Variants in SLC44A5 observed in about 807,000 individuals in gnomAD.
SLC44A5 encodes solute carrier family 44 member 5, also known as choline transporter-like protein 5.
Under a neutral mutation model 101.8 loss-of-function variants are expected in SLC44A5, and 57 were observed. That is an observed-to-expected ratio of 0.56 (90% CI 0.45 to 0.70). The LOEUF (loss-of-function observed/expected upper bound fraction) is 0.70, where lower values mean the gene tolerates loss of function less well. SLC44A5 is among the 30% of genes least tolerant of loss of function. The pLI is 0.00. For synonymous variants in SLC44A5, 281 were observed against 290.9 expected, an observed-to-expected ratio of 0.97 and a Z score of 0.35; for missense variants, 737 against 853.1, an observed-to-expected ratio of 0.86 and a Z score of 1.70.
chr1:75,540,187 A>G (rs1244649591), intron 2 of SLC44A5, among the ~76,000 whole-genome samples: 3 of 152,176 alleles, frequency 2.0e-5, no homozygotes, highest in Non-Finnish European at 4.4e-5. Context: ...TTGAGCATAT[A>G]TGTACTACTT....
At chr1:75,638,290 CAT>C in the SLC44A5 span, among the ~76,000 whole-genome samples, 6 of 151,978 alleles carry the variant, frequency 3.9e-5, no homozygotes, top group Non-Finnish European at 8.8e-5. Context: ...ACAAGTGAAA[CAT>C]AGAAGCATTT....
chr1:75,630,991 C>A, the SLC44A5 span, among the ~76,000 whole-genome samples: 1 of 152,210 alleles, frequency 6.6e-6, no homozygotes, highest in Non-Finnish European at 1.5e-5. Flanking sequence ...AGCACTGAGG[C>A]AATTTCCACT....
chr1:75,400,074 G>T (rs1441229363), intron 2 of SLC44A5, among the ~76,000 whole-genome samples: 1 of 152,168 alleles, frequency 6.6e-6, no homozygotes, highest in Non-Finnish European at 1.5e-5. Context: ...AAGTGAATCA[G>T]CACAGAAACC....
chr1:75,234,475 A>G lies in SLC44A5; in HGVS notation c.741-377T>C, dbSNP rs149277650. On this transcript the variant is annotated intron_variant, in intron 11 of 23. Coordinates refer to ENST00000370859, the MANE Select transcript of SLC44A5 (RefSeq NM_001130058.2). Reference sequence around the variant, plus strand: ...AGGTCATAAATTGTGAAATGTATTCATGATGAATTTGTTCTGTTCCATTTA... The same window carrying G: ...AGGTCATAAATTGTGAAATGTATTCGTGATGAATTTGTTCTGTTCCATTTA... Among the ~76,000 whole-genome samples, 215 of 152,174 alleles carry G rather than the reference A, an allele frequency of 1.4e-3. 1 individual carries two copies. The highest frequency in any genetic ancestry group is 4.9e-3 in the African/African-American group (204 of 41,556).
rs549610845 is a variant in SLC44A5 at position 75,375,910 on chromosome 1, T to C, written c.52+20673A>G. 1.3e-5 allele frequency among the ~76,000 whole-genome samples: 2 copies of C among 152,166 alleles called. 1 individual carries two copies. The highest frequency in any genetic ancestry group is 4.1e-4 in the South Asian group (2 of 4,826). ...ACACAGAAGATGGGTGATTTCTGCA[T>C]TTCCATCTGAGGTACCGGGTTCATC... On this transcript the variant is annotated intron_variant, in intron 3 of 23. Transcript: ENST00000370859.
intron 6 of SLC44A5, among the ~76,000 whole-genome samples, chr1:75,265,360 C>A (rs532764341): frequency 1.3e-5 from 2 of 152,222 alleles, no homozygotes; most frequent in South Asian, 4.2e-4. Flanking sequence ...TGCAAAAATT[C>A]TCAACAGAAT....
At chr1:75,447,913 C>A (rs1665680817) in intron 2 of SLC44A5, among the ~76,000 whole-genome samples, 2 of 151,978 alleles carry the variant, frequency 1.3e-5, no homozygotes. Flanking sequence ...AATTATAATT[C>A]CCAAAGCTTA....
At chr1:75,206,508 C>T in intron 23 of SLC44A5, 2 of 819,692 alleles carry the variant, frequency 2.4e-6, no homozygotes, top group Non-Finnish European at 4.0e-6. Context: ...GAATTAAGCA[C>T]AGAAATTTCA....
At position 75,583,993 on chromosome 1, in the gene SLC44A5, G is replaced by A. The variant is rs180915093; in HGVS notation, c.-70+27047C>T. On this transcript the variant is annotated intron_variant, in intron 1 of 23. Transcript: ENST00000370859. ...AGGAGATTGTCACTCAATGTCCCAAGCTTTGAGGTCTCAAATTCTAAGACA... is the reference window on the plus strand; with the variant it reads ...AGGAGATTGTCACTCAATGTCCCAAACTTTGAGGTCTCAAATTCTAAGACA... 1.6e-4 allele frequency among the ~76,000 whole-genome samples: 24 copies of A among 152,348 alleles called. No individual in the cohort carries two copies. The East Asian group carries it at 3.5e-3, about 22-fold the overall frequency.
chr1:75,250,472 T>C (rs2100643618), intron 7 of SLC44A5, among the ~76,000 whole-genome samples: 1 of 152,326 alleles, frequency 6.6e-6, no homozygotes, highest in Middle Eastern at 3.4e-3. Flanking sequence ...TACATGTGCA[T>C]GCATCATTTT....
At position 75,384,702 on chromosome 1, in the gene SLC44A5, C is replaced by A. The variant is rs1470038775; in HGVS notation, c.52+11881G>T. 1.8e-3 allele frequency among the ~76,000 whole-genome samples: 220 copies of A among 122,540 alleles called. 1 individual carries two copies. Among genetic ancestry groups the A allele is most frequent in the Admixed American group, 4.4e-3 (50 of 11,484 alleles). The allele number at this position is 122,540 out of a possible 152,430, so 80.4% of individuals were successfully genotyped here. Reference sequence around the variant, plus strand: ...GAATTGAACTCAGCTCTGCACCAAGCGGACCTAATAGACATCTACAGAACT... The same window carrying A: ...GAATTGAACTCAGCTCTGCACCAAGAGGACCTAATAGACATCTACAGAACT... On this transcript the variant is annotated intron_variant, in intron 3 of 23. Coordinates refer to ENST00000370859, the MANE Select transcript of SLC44A5 (RefSeq NM_001130058.2).
intron 4 of SLC44A5, among the ~76,000 whole-genome samples, chr1:75,321,814 C>A (rs1306581596): frequency 6.6e-6 from 1 of 152,092 alleles, no homozygotes; most frequent in African/African-American, 2.4e-5. Flanking sequence ...ATATTTGATT[C>A]ATCTTTAACA....
chr1:75,318,548 G>A (rs1182524898), intron 4 of SLC44A5, among the ~76,000 whole-genome samples: 1 of 152,166 alleles, frequency 6.6e-6, no homozygotes, highest in Admixed American at 6.5e-5. Flanking sequence ...GCACAGATCA[G>A]TAAGTCAGAT....
rs1342057593 is a variant in SLC44A5 at position 75,306,579 on chromosome 1, G to C, written c.102-5894C>G. 4.0e-5 allele frequency among the ~76,000 whole-genome samples: 6 copies of C among 151,824 alleles called. 1 individual carries two copies. Among genetic ancestry groups the C allele is most frequent in the African/African-American group, 1.5e-4 (6 of 41,334 alleles). On this transcript the variant is annotated intron_variant, in intron 4 of 23. Transcript: ENST00000370859. ...ATGCAAACAAAAAAAAAACCAATTA[G>C]ATTTAATTTAGAGGTAATAAGAGAG...
the SLC44A5 span, chr1:75,641,476 A>T: frequency 1.4e-6 from 2 of 1,422,932 alleles, no homozygotes; most frequent in Admixed American, 3.4e-5. Context: ...TTCCACTGCC[A>T]GCAGAAGTTG....
At chr1:75,578,864 T>C (rs548780205) in intron 1 of SLC44A5, among the ~76,000 whole-genome samples, 2 of 152,346 alleles carry the variant, frequency 1.3e-5, no homozygotes, top group Non-Finnish European at 2.9e-5. Context: ...TGGATATATA[T>C]ATAAAATATG....
rs529322889 is a variant in SLC44A5, at chr1:75,312,281, C to T, written c.102-11596G>A. Among the ~76,000 whole-genome samples the T allele has an allele frequency of 3.9e-5, 6 of 152,208 alleles. No homozygotes were observed. In the East Asian group the frequency reaches 9.7e-4, roughly 25 times the overall value. Reference sequence around the variant, plus strand: ...TCTTTCCTTCATAATTCCCCAGTCTCGGGTATGTCTTTATTAATAGCATGA... The same window carrying T: ...TCTTTCCTTCATAATTCCCCAGTCTTGGGTATGTCTTTATTAATAGCATGA... On this transcript the variant is annotated intron_variant, in intron 4 of 23. Coordinates refer to ENST00000370859, the MANE Select transcript of SLC44A5 (RefSeq NM_001130058.2).
At chr1:75,317,572 G>A (rs1655792105) in intron 4 of SLC44A5, among the ~76,000 whole-genome samples, 1 of 152,110 alleles carries the variant, frequency 6.6e-6, no homozygotes, top group Non-Finnish European at 1.5e-5. Flanking sequence ...TGGTGGGTGG[G>A]CAGAGTGAAC....
intron 1 of SLC44A5, among the ~76,000 whole-genome samples, chr1:75,584,577 G>T (rs371523874): frequency 5.9e-4 from 89 of 151,998 alleles, no homozygotes; most frequent in African/African-American, 1.6e-3. Flanking sequence ...TTTTGTGGGG[G>T]TTTTTTTGGG....
Sources: gnomAD v4.1 joint callset for allele counts (sites outside exome capture counted in the v4.1 genomes callset) on GRCh38, gnomAD v4.1.1 for gene constraint, MANE v1.5 for transcripts, NCBI Gene and HGNC (gene_info 2026-07-23, HGNC 2026-07-21) for gene names.